The following ST6GAL1 variants were observed in gnomAD, a reference collection of about 807,000 sequenced individuals.
ST6GAL1 encodes the protein ST6 beta-galactoside alpha-2,6-sialyltransferase 1.
ST6GAL1 carries 20 observed loss-of-function variants against 38.0 expected under a neutral mutation model. The observed-to-expected ratio is 0.53, with a 90% confidence interval of 0.37 to 0.77. ST6GAL1 has a LOEUF of 0.77. Ranked by LOEUF, ST6GAL1 falls within the 30% of genes least tolerant of loss-of-function variation. The pLI is 0.00. For synonymous variants in ST6GAL1, 196 were observed against 188.2 expected, an observed-to-expected ratio of 1.04 and a Z score of -0.34; for missense variants, 432 against 496.4, an observed-to-expected ratio of 0.87 and a Z score of 1.23.
At chr3:186,949,041 C>T (rs1210810356) in intron 1 of ST6GAL1, 1 of 152,096 alleles carries the variant, frequency 6.6e-6, no homozygotes, top group African/African-American at 2.4e-5. Context: ...GGTGGGAAGC[C>T]CGTGAGGCTG....
chr3:187,062,311 T>C (rs556858806), intron 5 of ST6GAL1, among the ~76,000 whole-genome samples: 1 of 152,218 alleles, frequency 6.6e-6, no homozygotes, highest in East Asian at 1.9e-4. Context: ...TACCGTGTAA[T>C]CTAATAATCT....
chr3:187,036,753 C>G (rs543175931), intron 2 of ST6GAL1, among the ~76,000 whole-genome samples: 3 of 152,170 alleles, frequency 2.0e-5, no homozygotes, highest in African/African-American at 4.8e-5. Flanking sequence ...GACTACAAGA[C>G]GGGGAAGGCT....
At chr3:186,949,742 C>T (rs563761602) in intron 1 of ST6GAL1, among the ~76,000 whole-genome samples, 72 of 152,316 alleles carry the variant, frequency 4.7e-4, no homozygotes, top group African/African-American at 1.7e-3. Flanking sequence ...TGTAGCCAGA[C>T]AGACTTGGGT....
intron 2 of ST6GAL1, among the ~76,000 whole-genome samples, chr3:186,999,157 T>C (rs1324017226): frequency 6.6e-6 from 1 of 152,202 alleles, no homozygotes; most frequent in Non-Finnish European, 1.5e-5. Flanking sequence ...CCTTTTTAAA[T>C]GCATATGCGA....
intron 1 of ST6GAL1, among the ~76,000 whole-genome samples, chr3:186,935,570 A>G (rs763655047): frequency 1.3e-5 from 2 of 152,204 alleles, no homozygotes; most frequent in African/African-American, 4.8e-5. Context: ...TTTTCGAGCA[A>G]TCCCCACACT....
At chr3:186,931,921 G>C (rs1194623414) in intron 1 of ST6GAL1, among the ~76,000 whole-genome samples, 1 of 152,218 alleles carries the variant, frequency 6.6e-6, no homozygotes, top group Non-Finnish European at 1.5e-5. Context: ...CTTTTTCTTT[G>C]CTTACATATG....
intron 2 of ST6GAL1, among the ~76,000 whole-genome samples, chr3:186,969,754 G>A (rs1165316662): frequency 2.0e-5 from 3 of 152,126 alleles, no homozygotes; most frequent in Non-Finnish European, 4.4e-5. Context: ...TTAAGGAGAA[G>A]CTATATGAAT....
intron 2 of ST6GAL1, among the ~76,000 whole-genome samples, chr3:186,998,680 T>C (rs902949482): frequency 1.3e-5 from 2 of 152,322 alleles, no homozygotes; most frequent in South Asian, 4.1e-4. Flanking sequence ...TTTAACTCAA[T>C]ATATTCAAAA....
chr3:186,966,013 C>T (rs537281212), intron 2 of ST6GAL1, among the ~76,000 whole-genome samples: 22 of 152,320 alleles, frequency 1.4e-4, no homozygotes, highest in African/African-American at 3.8e-4. Flanking sequence ...ATTCTCCTGC[C>T]TCAGCCTCCC....
chr3:186,935,733 T>G (rs1028086878), intron 1 of ST6GAL1, among the ~76,000 whole-genome samples: 1 of 152,028 alleles, frequency 6.6e-6, no homozygotes, highest in Admixed American at 6.6e-5. Context: ...TGGTAGGGAA[T>G]GTTAGTGGGA....
intron 1 of ST6GAL1, among the ~76,000 whole-genome samples, chr3:186,940,906 C>T (rs1407887107): frequency 1.3e-5 from 2 of 151,544 alleles, no homozygotes; most frequent in Non-Finnish European, 2.9e-5. Context: ...TGTTTTTAGA[C>T]CTCAAACATA....
chr3:187,011,218 C>T (rs1451524061), intron 2 of ST6GAL1, among the ~76,000 whole-genome samples: 5 of 152,148 alleles, frequency 3.3e-5, no homozygotes, highest in South Asian at 2.1e-4. Flanking sequence ...AGGCCGGTCT[C>T]GAACTACTGA....
Position 186,972,793 on chromosome 3 carries a change from G to A in ST6GAL1, c.-183+8867G>A, listed in dbSNP as rs550318353. 2.0e-5 allele frequency among the ~76,000 whole-genome samples: 3 copies of A among 152,270 alleles called. No homozygotes were observed. The South Asian group carries it at 6.2e-4, about 32-fold the overall frequency. ...TTCAGTGTAGCACTGCCCTATAGCT[G>A]GGCAAACACCTTGGTGTCTCCCCTT... On this transcript the variant is annotated intron_variant, in intron 2 of 7. Coordinates refer to ENST00000169298, the MANE Select transcript of ST6GAL1 (RefSeq NM_173216.2).
intron 2 of ST6GAL1, among the ~76,000 whole-genome samples, chr3:186,999,409 A>G (rs571627034): frequency 8.3e-6 from 1 of 120,988 alleles, no homozygotes; most frequent in South Asian, 3.0e-4. Context: ...GACTACTATA[A>G]TCTCTTTTTT....
At chr3:186,992,889 C>T (rs1716225417) in intron 2 of ST6GAL1, among the ~76,000 whole-genome samples, 2 of 152,200 alleles carry the variant, frequency 1.3e-5, no homozygotes, top group Non-Finnish European at 2.9e-5. Context: ...TCACAGTCCA[C>T]TATCTATCTA....
chr3:186,968,609 A>G (rs1715232621), intron 2 of ST6GAL1, among the ~76,000 whole-genome samples: 1 of 152,046 alleles, frequency 6.6e-6, no homozygotes. Flanking sequence ...CATTTTCTGG[A>G]GCTTTATGTA....
At chr3:187,030,277 T>C (rs1717698451) in intron 2 of ST6GAL1, among the ~76,000 whole-genome samples, 1 of 152,052 alleles carries the variant, frequency 6.6e-6, no homozygotes, top group Non-Finnish European at 1.5e-5. Flanking sequence ...ATGACATGCA[T>C]TGATGCATGT....
intron 2 of ST6GAL1, among the ~76,000 whole-genome samples, chr3:187,010,426 C>T (rs1325535424): frequency 3.3e-5 from 5 of 152,118 alleles, no homozygotes; most frequent in Admixed American, 6.5e-5. Flanking sequence ...GGTTCCCACC[C>T]GTTTAGGGAG....
chr3:187,074,774 AG>A (rs2108606608), intron 7 of ST6GAL1, among the ~76,000 whole-genome samples: 2 of 152,208 alleles, frequency 1.3e-5, no homozygotes, highest in African/African-American at 4.8e-5. Context: ...ACCTCAGACG[AG>A]GGGAGCAAGG....
Sources: allele counts gnomAD v4.1 joint callset (sites outside exome capture counted in the v4.1 genomes callset), GRCh38; gene constraint gnomAD v4.1.1; transcripts MANE v1.5; gene names NCBI Gene and HGNC (gene_info 2026-07-23, HGNC 2026-07-21).